Variants in ERICH6B observed in about 807,000 individuals in gnomAD.
The protein encoded by ERICH6B is glutamate rich 6B, also known as glutamate-rich protein 6B.
Under a neutral mutation model 80.0 loss-of-function variants are expected in ERICH6B, and 69 were observed. The observed-to-expected ratio is 0.86, with a 90% CI of 0.71 to 1.05. The LOEUF is 1.05. ERICH6B is among the 50% of genes least tolerant of loss of function. The pLI, the probability that ERICH6B is intolerant of heterozygous loss-of-function variation, is 0.00. For missense variants in ERICH6B, 754 were observed against 796.1 expected (o/e 0.95, Z 0.64); for synonymous variants, 283 against 291.9 (o/e 0.97, Z 0.31).
rs749599422 is a variant in ERICH6B at position 45,550,249 on chromosome 13, T to C, written c.1475A>G (p.Asp492Gly). The C allele has an allele frequency of 4.5e-6, 7 of 1,551,622 alleles. No homozygotes were observed. In the East Asian group the frequency reaches 1.5e-4, roughly 33 times the overall value. Residue 492 changes from aspartate to glycine, a missense_variant, in exon 12 of 15, where the codon GAT becomes GGT. By Grantham distance (94) the Asp-to-Gly change is moderately conservative (BLOSUM62 -1). Coordinates refer to ENST00000298738, the MANE Select transcript of ERICH6B (RefSeq NM_182542.3). ...NKNVYQILFPDGTGQIHYPSG... is the reference protein window; with the variant it reads ...NKNVYQILFPGGTGQIHYPSG... ...TGGATACTGTATCTGGCCTGTCCCA[T>C]CAGGAAAGAGAATTTGATAGACATT... is the stretch of plus-strand genomic sequence containing the variant.
At chr13:45,574,051 A>C (rs565430381) in intron 8 of ERICH6B, among the ~76,000 whole-genome samples, 9 of 152,352 alleles carry the variant, frequency 5.9e-5, no homozygotes, top group Non-Finnish European at 1.2e-4. Flanking sequence ...AAAATTTCTC[A>C]ATTAAAAACA....
intron 1 of ERICH6B, among the ~76,000 whole-genome samples, chr13:45,610,149 C>T (rs1321111614): frequency 6.6e-6 from 1 of 152,158 alleles, no homozygotes; most frequent in African/African-American, 2.4e-5. Flanking sequence ...CAACTTCAAT[C>T]ACTCCTGCAG....
At position 45,549,921 on chromosome 13, in the gene ERICH6B, T is replaced by C. The variant is rs138019495; in HGVS notation, c.1618A>G (p.Thr540Ala). 4.4e-3 allele frequency: 6,858 copies of C among 1,551,356 alleles called. 39 individuals carry two copies. The highest frequency in any genetic ancestry group is 0.014 in the Middle Eastern group (81 of 5,994). ...RALINNSGNA[T>A]FYDENSDIWL... Reference sequence around the variant, plus strand: ...ATATCACTATTTTCATCATAGAAGGTAGCATTGCCTGAGTTGTTGATAAGG... The same window carrying C: ...ATATCACTATTTTCATCATAGAAGGCAGCATTGCCTGAGTTGTTGATAAGG... Residue 540 changes from threonine (T) to alanine (A), a missense_variant, in exon 13 of 15, where the codon ACC becomes GCC. Coordinates refer to ENST00000298738, the MANE Select transcript of ERICH6B (RefSeq NM_182542.3).
rs916153160 is a variant in ERICH6B, at chr13:45,590,660, A to G, written c.675T>C (p.Leu225=). Residue 225 remains leucine (L), a synonymous_variant, in exon 4 of 15, where the codon CTT becomes CTC. Coordinates refer to ENST00000298738, the MANE Select transcript of ERICH6B (RefSeq NM_182542.3). ...KASYSSQTML[L]RDARSPDAGP... ...AAGAAAACTGTTACCTTGCATCACG[A>G]AGAAGCATGGTTTGTGATGAATAAC... The G allele has an allele frequency of 5.2e-6, 8 of 1,551,666 alleles. No homozygotes were observed. Among genetic ancestry groups the G allele is most frequent in the Non-Finnish European group, 7.0e-6 (8 of 1,146,978 alleles).
At chr13:45,575,791 G>C (rs1310742932) in intron 7 of ERICH6B, among the ~76,000 whole-genome samples, 1 of 152,136 alleles carries the variant, frequency 6.6e-6, no homozygotes, top group African/African-American at 2.4e-5. Context: ...AGAGCCTCCG[G>C]GGAGCCTGGG....
intron 7 of ERICH6B, among the ~76,000 whole-genome samples, chr13:45,575,337 C>G (rs1319339136): frequency 6.6e-6 from 1 of 152,158 alleles, no homozygotes; most frequent in East Asian, 1.9e-4. Flanking sequence ...GTGGGAGGGG[C>G]ATGTTTGACA....
chr13:45,591,624 G>A (rs1361349031), intron 3 of ERICH6B, among the ~76,000 whole-genome samples: 1 of 152,026 alleles, frequency 6.6e-6, no homozygotes, highest in Non-Finnish European at 1.5e-5. Flanking sequence ...AAAATAAAAT[G>A]ATGTCTCTAA....
At position 45,544,888 on chromosome 13, in the gene ERICH6B, G is replaced by T. The variant is rs1355562434; in HGVS notation, c.1744C>A (p.Pro582Thr). Reference sequence around the variant, plus strand: ...ATTTTCAAGGAGATGGGCTGGACAGGGGGTGCGTGGACATGGATGTTCAGA... The same window carrying T: ...ATTTTCAAGGAGATGGGCTGGACAGTGGGTGCGTGGACATGGATGTTCAGA... ...WNLNIHVHAP[P>T]VQPISLKINE... Residue 582 changes from proline to threonine, a missense_variant, in exon 14 of 15, where the codon CCT (proline) becomes ACT (threonine). Transcript: ENST00000298738. 3.2e-6 allele frequency: 5 copies of T among 1,551,728 alleles called. No individual in the cohort carries two copies. The Admixed American group carries it at 9.8e-5, about 30-fold the overall frequency.
intron 4 of ERICH6B, among the ~76,000 whole-genome samples, chr13:45,589,776 G>A (rs539536126): frequency 6.6e-6 from 1 of 151,964 alleles, no homozygotes; most frequent in South Asian, 2.1e-4. Flanking sequence ...CGATTGGGGT[G>A]AACGGGGGCC....
intron 13 of ERICH6B, among the ~76,000 whole-genome samples, chr13:45,546,686 A>G (rs893677525): frequency 6.6e-6 from 1 of 151,872 alleles, no homozygotes; most frequent in African/African-American, 2.4e-5. Flanking sequence ...CCTAGTAATC[A>G]CCTTGTACAG....
Position 45,563,719 on chromosome 13 carries a change from G to A in ERICH6B, c.1249+8C>T, listed in dbSNP as rs1483183298. ...GCACGTGGTGGAAAATGGTGGAGTG[G>A]TGCCTACCTTCACGTCTCCTCTTAA... On this transcript the variant is annotated splice_region_variant and intron_variant, in intron 10 of 14. Transcript: ENST00000298738. 2 of 1,551,940 alleles carry A rather than the reference G, an allele frequency of 1.3e-6. No individual in the cohort carries two copies. The highest frequency in any genetic ancestry group is 2.4e-5 in the East Asian group (1 of 40,928).
chr13:45,586,684 A>G (rs1317298763), intron 5 of ERICH6B, among the ~76,000 whole-genome samples: 1 of 152,142 alleles, frequency 6.6e-6, no homozygotes, highest in African/African-American at 2.4e-5. Flanking sequence ...CTGTCACCCC[A>G]GGGAGCCAGT....
At chr13:45,601,627 A>G (rs75649188) in intron 2 of ERICH6B, among the ~76,000 whole-genome samples, 1 of 152,314 alleles carries the variant, frequency 6.6e-6, no homozygotes, top group East Asian at 1.9e-4. Context: ...ATGGCATGCC[A>G]TCATTCCGGG....
intron 11 of ERICH6B, among the ~76,000 whole-genome samples, chr13:45,552,389 C>T (rs1248580322): frequency 3.9e-5 from 6 of 152,052 alleles, no homozygotes; most frequent in African/African-American, 1.4e-4. Context: ...GCTCACTCTT[C>T]TGGTTTTGTA....
In ERICH6B at chr13:45,596,693, C is replaced by G. The variant is rs773270730; in HGVS notation, c.313G>C (p.Glu105Gln). ...EEYLEKAGYL[E>Q]EEEYIEEEEY... The stretch of plus-strand genomic sequence containing the variant: ...TCCTCTTCAATATACTCTTCCTCCT[C>G]CAGATACCCTGCCTTCTCCAGATAC... Residue 105 changes from glutamate to glutamine, a missense_variant, in exon 3 of 15, where the codon GAG becomes CAG. By Grantham distance (29) the Glu-to-Gln change is conservative (BLOSUM62 2). Transcript: ENST00000298738. The G allele has an allele frequency of 5.8e-6, 9 of 1,552,076 alleles. No homozygotes were observed. In the South Asian group the frequency reaches 1.1e-4, roughly 18 times the overall value.
chr13:45,553,567 C>T (rs558284747), intron 11 of ERICH6B, among the ~76,000 whole-genome samples: 28 of 152,206 alleles, frequency 1.8e-4, no homozygotes, highest in African/African-American at 6.0e-4. Context: ...TTCCTTATGC[C>T]GAGCACTGCA....
Position 45,596,848 on chromosome 13 carries a change from C to T in ERICH6B, c.158G>A (p.Gly53Glu), listed in dbSNP as rs1195824774. The change falls in exon 3 of 15, where the codon GGA (glycine) becomes GAA (glutamate). Residue 53 changes from glycine to glutamate, a missense_variant. Coordinates refer to ENST00000298738, the MANE Select transcript of ERICH6B (RefSeq NM_182542.3). ...LQDESPFSPE[G>E]ESLEDKEYLE... Reference sequence around the variant, plus strand: ...ATACTCTTTGTCCTCCAGAGACTCTCCCTCTGGAGAAAATGGAGATTCATC... The same window carrying T: ...ATACTCTTTGTCCTCCAGAGACTCTTCCTCTGGAGAAAATGGAGATTCATC... 1.3e-6 allele frequency: 2 copies of T among 1,551,810 alleles called. No individual in the cohort carries two copies. Among genetic ancestry groups the T allele is most frequent in the Non-Finnish European group, 1.7e-6 (2 of 1,146,994 alleles).
At chr13:45,584,970 T>G (rs1240180475) in intron 5 of ERICH6B, among the ~76,000 whole-genome samples, 1 of 152,202 alleles carries the variant, frequency 6.6e-6, no homozygotes, top group African/African-American at 2.4e-5. Flanking sequence ...GTTTTGCACT[T>G]CCCTACCTTC....
At chr13:45,576,129 G>A (rs1205270592) in intron 7 of ERICH6B, among the ~76,000 whole-genome samples, 1 of 152,162 alleles carries the variant, frequency 6.6e-6, no homozygotes, top group Non-Finnish European at 1.5e-5. Flanking sequence ...TTTTGGCTCC[G>A]TAGCAAAAAC....
Sources: gnomAD v4.1 joint callset for allele counts (sites outside exome capture counted in the v4.1 genomes callset) on GRCh38, gnomAD v4.1.1 for gene constraint, MANE v1.5 for transcripts, NCBI Gene and HGNC (gene_info 2026-07-23, HGNC 2026-07-21) for gene names.